The following BTBD7 variants were observed in gnomAD, a reference collection of about 807,000 sequenced individuals.
BTBD7 encodes the protein BTB domain containing 7, also known as BTB/POZ domain-containing protein 7.
Under a neutral mutation model 99.9 loss-of-function variants are expected in BTBD7, and 38 were observed. That is an observed-to-expected ratio of 0.38 (90% CI 0.29 to 0.50). The LOEUF (loss-of-function observed/expected upper bound fraction) is 0.50. BTBD7 is among the 20% of genes least tolerant of loss of function. The pLI is 0.93. For missense variants in BTBD7, 1,170 were observed against 1,394.6 expected (o/e 0.84, Z 2.57); for synonymous variants, 520 against 511.4 (o/e 1.02, Z -0.23).
At position 93,261,646 on chromosome 14, in the gene BTBD7, A is replaced by G; in HGVS notation, c.1403T>C (p.Ile468Thr). The change falls in exon 5 of 11, where the codon ATT becomes ACT. Residue 468 changes from isoleucine (I) to threonine (T), a missense_variant. Transcript: ENST00000334746. The stretch of plus-strand genomic sequence containing the variant: ...CATCAACTGATGCTCTCCCCATTTA[A>G]TCAGATATTTAAGGATATCTTGTTC... ...ASEQDILKYLIKWGEHQLMKR... is the reference protein window; with the variant it reads ...ASEQDILKYLTKWGEHQLMKR... 6.2e-7 allele frequency: 1 copy of G among 1,612,022 alleles called. No homozygotes were observed. The highest frequency in any genetic ancestry group is 8.5e-7 in the Non-Finnish European group (1 of 1,179,126).
intron 10 of BTBD7, 132 bp from the exon 11 acceptor site, chr14:93,243,220 G>C (rs2052258835): frequency 1.2e-6 from 1 of 834,862 alleles, no homozygotes; most frequent in African/African-American, 1.7e-5. Context: ...TTGAGACAGA[G>C]TCTCGCTCTG....
intron 1 of BTBD7, among the ~76,000 whole-genome samples, chr14:93,301,208 T>C (rs77429663): frequency 6.6e-6 from 1 of 151,726 alleles, no homozygotes; most frequent in Non-Finnish European, 1.5e-5. Context: ...TTTTTTTTTT[T>C]GAGACAGAAT....
At chr14:93,311,516 T>C (rs2053137708) in intron 1 of BTBD7, among the ~76,000 whole-genome samples, 1 of 152,246 alleles carries the variant, frequency 6.6e-6, no homozygotes, top group African/African-American at 2.4e-5. Flanking sequence ...TGTACATAGA[T>C]ACATAAATGT....
At chr14:93,249,227 C>T (rs2052345361) in intron 8 of BTBD7, among the ~76,000 whole-genome samples, 1 of 118,994 alleles carries the variant, frequency 8.4e-6, no homozygotes, top group African/African-American at 3.3e-5. Context: ...AAGGTGTACA[C>T]AGAGCAGATT....
rs777721695 is a variant in BTBD7, at chr14:93,288,743, T to C, written c.1162+5115A>G. ...AATGGAAGGCAAGCTGGCTTTTTCA[T>C]TTTATAACCCCTGAGTGTAATTTCA... On this transcript the variant is annotated intron_variant, in intron 3 of 10. Transcript: ENST00000334746. 7 of 1,605,840 alleles carry C rather than the reference T, an allele frequency of 4.4e-6. No homozygotes were observed. In the African/African-American group the frequency reaches 9.4e-5, roughly 22 times the overall value.
chr14:93,330,464 A>G (rs2053389128), intron 1 of BTBD7, among the ~76,000 whole-genome samples: 1 of 151,770 alleles, frequency 6.6e-6, no homozygotes, highest in South Asian at 2.1e-4. Context: ...AGTTCTTTGG[A>G]CTCTTGGGGT....
At chr14:93,323,808 A>C (rs1044640803) in intron 1 of BTBD7, among the ~76,000 whole-genome samples, 2 of 152,338 alleles carry the variant, frequency 1.3e-5, no homozygotes, top group African/African-American at 4.8e-5. Flanking sequence ...TGTTTATTTA[A>C]AAAATGGCTT....
intron 1 of BTBD7, among the ~76,000 whole-genome samples, chr14:93,302,295 C>T (rs985325199): frequency 6.6e-6 from 1 of 152,044 alleles, no homozygotes; most frequent in African/African-American, 2.4e-5. Flanking sequence ...GGGTATAGTG[C>T]CAGTGAGGCA....
intron 3 of BTBD7, among the ~76,000 whole-genome samples, chr14:93,289,803 G>C (rs1027975208): frequency 2.7e-5 from 4 of 148,696 alleles, no homozygotes; most frequent in Non-Finnish European, 5.9e-5. Context: ...CCTCCCTACT[G>C]ATATAAAACA....
rs1346570970 is a variant in BTBD7, at chr14:93,246,373, T to C, written c.2122-87A>G. 4.6e-6 allele frequency: 6 copies of C among 1,308,280 alleles called. No homozygotes were observed. In the Admixed American group the frequency reaches 1.8e-4, roughly 39 times the overall value. 81.0% of individuals were successfully genotyped at this position (1,308,280 alleles called of 1,614,324 possible). On this transcript the variant is annotated intron_variant, in intron 9 of 10. Transcript: ENST00000334746. ...TATAGGCTGAGAGAATTAAGTGAGG[T>C]ACTTAAGAAAACCACAGTCAGCAAG...
At chr14:93,271,794 C>T (rs1288715330) in intron 3 of BTBD7, among the ~76,000 whole-genome samples, 4 of 151,118 alleles carry the variant, frequency 2.6e-5, no homozygotes, top group African/African-American at 9.7e-5. Flanking sequence ...CGTTTGGGCT[C>T]AGGAGTTTTG....
chr14:93,291,732 A>C (rs989856358), intron 3 of BTBD7, among the ~76,000 whole-genome samples: 1 of 152,126 alleles, frequency 6.6e-6, no homozygotes, highest in Non-Finnish European at 1.5e-5. Context: ...ACAATGCAAA[A>C]AGTATTATTT....
intron 3 of BTBD7, among the ~76,000 whole-genome samples, chr14:93,268,042 G>T (rs2052560064): frequency 1.3e-5 from 2 of 152,108 alleles, no homozygotes; most frequent in Admixed American, 1.3e-4. Flanking sequence ...TCTGGCACCT[G>T]CCTACTCCCC....
rs541441381 is a variant in BTBD7, at chr14:93,308,758, C to T, written c.-106-12601G>A. Among the ~76,000 whole-genome samples, 10 of 152,172 alleles carry T rather than the reference C, an allele frequency of 6.6e-5. 1 individual carries two copies. Among genetic ancestry groups the T allele is most frequent in the African/African-American group, 1.4e-4 (6 of 41,510 alleles). ...GTGAAATAAGCCAGTCACAAAAGGACGAATATGGATTCCACTTATATGAAG... is the reference window on the plus strand; with the variant it reads ...GTGAAATAAGCCAGTCACAAAAGGATGAATATGGATTCCACTTATATGAAG... On this transcript the variant is annotated intron_variant, in intron 1 of 10. Transcript: ENST00000334746.
At chr14:93,331,859 T>C (rs1595350543) in intron 1 of BTBD7, among the ~76,000 whole-genome samples, 1 of 145,636 alleles carries the variant, frequency 6.9e-6, no homozygotes, top group Admixed American at 6.8e-5. Context: ...CCAGCCTGGG[T>C]GACAGAGCGA....
At chr14:93,274,365 T>C (rs1423134139) in intron 3 of BTBD7, among the ~76,000 whole-genome samples, 4 of 152,218 alleles carry the variant, frequency 2.6e-5, no homozygotes, top group Admixed American at 6.5e-5. Flanking sequence ...GTATCTTTTG[T>C]TGTCTGCTGT....
At chr14:93,256,246 A>T (rs529937584) in intron 6 of BTBD7, 1 of 152,152 alleles carries the variant, frequency 6.6e-6, no homozygotes, top group Non-Finnish European at 1.5e-5. Context: ...TTCGTTTATT[A>T]TTATGTTTTG....
chr14:93,249,888 G>A (rs897359791), intron 8 of BTBD7, among the ~76,000 whole-genome samples: 2 of 152,148 alleles, frequency 1.3e-5, no homozygotes, highest in Non-Finnish European at 2.9e-5. Context: ...GAAAGAAACT[G>A]ACTAGAGCAG....
At chr14:93,257,449 C>G in intron 5 of BTBD7, 94 bp from the exon 6 acceptor site, 2 of 1,158,260 alleles carry the variant, frequency 1.7e-6, no homozygotes, top group African/African-American at 1.5e-5. Flanking sequence ...CAGTACCACT[C>G]TATAGACTTA....
Sources: allele counts gnomAD v4.1 joint callset (sites outside exome capture counted in the v4.1 genomes callset), GRCh38; gene constraint gnomAD v4.1.1; transcripts MANE v1.5; gene names NCBI Gene and HGNC (gene_info 2026-07-23, HGNC 2026-07-21).